Variants in DCLK1 observed in about 807,000 individuals in gnomAD.
The protein encoded by DCLK1 is serine/threonine-protein kinase DCLK1.
Under a neutral mutation model 86.2 loss-of-function variants are expected in DCLK1, and 16 were observed. The observed-to-expected ratio is 0.19, with a 90% CI of 0.13 to 0.28. The LOEUF (loss-of-function observed/expected upper bound fraction) is 0.28. Ranked by LOEUF, DCLK1 falls within the 10% of genes least tolerant of loss-of-function variation. The pLI, the probability that DCLK1 is intolerant of heterozygous loss-of-function variation, is 1.00. For missense variants in DCLK1, 590 were observed against 940.2 expected (o/e 0.63, Z 4.87); for synonymous variants, 369 against 370.5 (o/e 1.00, Z 0.05).
chr13:35,965,772 C>A (rs893669719), intron 3 of DCLK1, among the ~76,000 whole-genome samples: 2 of 151,716 alleles, frequency 1.3e-5, no homozygotes, highest in African/African-American at 4.9e-5. Context: ...CACTTGTATT[C>A]TCTCACTCTC....
At chr13:35,775,171 C>T (rs1026835656) in intron 16 of DCLK1, among the ~76,000 whole-genome samples, 1 of 152,140 alleles carries the variant, frequency 6.6e-6, no homozygotes, top group Non-Finnish European at 1.5e-5. Context: ...GGAGCCACGG[C>T]TCATCCTGTT....
chr13:35,838,082 G>T (rs199729196), intron 7 of DCLK1, among the ~76,000 whole-genome samples: 1 of 120,640 alleles, frequency 8.3e-6, no homozygotes, highest in East Asian at 2.5e-4. Context: ...AAAAAGAAAA[G>T]AAAAGAAAAG....
intron 3 of DCLK1, among the ~76,000 whole-genome samples, chr13:35,980,198 G>A (rs1316185143): frequency 6.6e-6 from 1 of 152,188 alleles, no homozygotes; most frequent in Non-Finnish European, 1.5e-5. Flanking sequence ...GCTTACGTCT[G>A]TAATCCTAGC....
intron 3 of DCLK1, among the ~76,000 whole-genome samples, chr13:36,070,138 GA>G (rs966516344): frequency 6.6e-6 from 1 of 151,750 alleles, no homozygotes; most frequent in East Asian, 1.9e-4. Flanking sequence ...CTGAAAAGTT[GA>G]AAAAAAATAT....
At position 35,854,483 on chromosome 13, in the gene DCLK1, T is replaced by G. The variant is rs1870904158; in HGVS notation, c.1035+16A>C. 6.3e-7 allele frequency: 1 copy of G among 1,581,020 alleles called. No homozygotes were observed. The highest frequency in any genetic ancestry group is 8.6e-7 in the Non-Finnish European group (1 of 1,162,420). On this transcript the variant is annotated intron_variant, in intron 6 of 16. Transcript: ENST00000360631. ...CTGAGACAGGTCTGAAACAAGCAGCTTGCTTATTTCCTTACCCTCTGCTTC... is the reference window on the plus strand; with the variant it reads ...CTGAGACAGGTCTGAAACAAGCAGCGTGCTTATTTCCTTACCCTCTGCTTC...
chr13:36,114,960 G>A (rs1232653166), intron 2 of DCLK1, among the ~76,000 whole-genome samples: 2 of 152,164 alleles, frequency 1.3e-5, no homozygotes, highest in African/African-American at 2.4e-5. Flanking sequence ...TTTTTAGAGT[G>A]CATTCAAGTA....
intron 3 of DCLK1, among the ~76,000 whole-genome samples, chr13:36,028,343 G>T (rs1326150838): frequency 6.6e-6 from 1 of 152,154 alleles, no homozygotes; most frequent in Non-Finnish European, 1.5e-5. Context: ...GAGACTTCAG[G>T]CTGGTCTTTT....
At chr13:35,929,579 G>T (rs1223453717) in intron 4 of DCLK1, among the ~76,000 whole-genome samples, 1 of 152,198 alleles carries the variant, frequency 6.6e-6, no homozygotes, top group Non-Finnish European at 1.5e-5. Context: ...GCAAGATGAT[G>T]CTAGTTTCAT....
chr13:35,919,755 G>A (rs1875678274), intron 4 of DCLK1, among the ~76,000 whole-genome samples: 1 of 151,914 alleles, frequency 6.6e-6, no homozygotes, highest in Non-Finnish European at 1.5e-5. Flanking sequence ...GAGGCCAGGA[G>A]TTTGAGATTA....
intron 3 of DCLK1, among the ~76,000 whole-genome samples, chr13:36,049,541 G>T (rs1883054376): frequency 1.3e-5 from 2 of 152,044 alleles, no homozygotes; most frequent in South Asian, 4.1e-4. Flanking sequence ...TGGTCTAACA[G>T]AATCCTTTTC....
chr13:35,988,433 C>A (rs1197332241), intron 3 of DCLK1, among the ~76,000 whole-genome samples: 1 of 152,226 alleles, frequency 6.6e-6, no homozygotes, highest in Non-Finnish European at 1.5e-5. Context: ...TGGATGAGGT[C>A]TGAGCACTCA....
At chr13:36,003,490 T>C (rs1880813434) in intron 3 of DCLK1, among the ~76,000 whole-genome samples, 1 of 152,242 alleles carries the variant, frequency 6.6e-6, no homozygotes, top group South Asian at 2.1e-4. Flanking sequence ...TCTTATAGGT[T>C]ATCATAAGGA....
intron 4 of DCLK1, among the ~76,000 whole-genome samples, chr13:35,931,472 G>T (rs1876428023): frequency 6.6e-6 from 1 of 152,142 alleles, no homozygotes; most frequent in South Asian, 2.1e-4. Context: ...TGCATGGTTT[G>T]GCAATTGTTA....
chr13:36,025,594 T>C (rs1882002416), intron 3 of DCLK1, among the ~76,000 whole-genome samples: 1 of 152,152 alleles, frequency 6.6e-6, no homozygotes, highest in South Asian at 2.1e-4. Context: ...GAACGCATCA[T>C]GAAAACACGA....
At chr13:35,926,245 GATGGGTTTCGCC>G (rs112091326) in intron 4 of DCLK1, among the ~76,000 whole-genome samples, 17,921 of 152,100 alleles carry the variant, frequency 0.12, 1,717 homozygotes, top group African/African-American at 0.27. Flanking sequence ...GTTTAGTAGA[GATGGGTTTCGCC>G]ATGTTGGCCA....
At chr13:35,828,810 G>T (rs552211102) in intron 8 of DCLK1, among the ~76,000 whole-genome samples, 3 of 152,136 alleles carry the variant, frequency 2.0e-5, no homozygotes, top group South Asian at 4.2e-4. Flanking sequence ...CTTTCCTCAA[G>T]TCTCTCCTGA....
At chr13:36,076,964 A>G (rs1884235837) in intron 3 of DCLK1, among the ~76,000 whole-genome samples, 1 of 152,210 alleles carries the variant, frequency 6.6e-6, no homozygotes, top group Non-Finnish European at 1.5e-5. Flanking sequence ...CCTTGTCTAT[A>G]TAATAGATAT....
At chr13:36,067,396 T>C in intron 3 of DCLK1, among the ~76,000 whole-genome samples, 1 of 117,440 alleles carries the variant, frequency 8.5e-6, no homozygotes, top group Admixed American at 9.7e-5. Context: ...CATCACACCC[T>C]GGGGACTGTT....
intron 4 of DCLK1, among the ~76,000 whole-genome samples, chr13:35,926,510 G>C (rs1177645979): frequency 6.6e-6 from 1 of 152,188 alleles, no homozygotes; most frequent in Admixed American, 6.5e-5. Context: ...GCTGCTGACT[G>C]TGGATGGCCT....
Sources: allele counts gnomAD v4.1 joint callset (sites outside exome capture counted in the v4.1 genomes callset), GRCh38; gene constraint gnomAD v4.1.1; transcripts MANE v1.5; gene names NCBI Gene and HGNC (gene_info 2026-07-23, HGNC 2026-07-21).